Variants in EIF4E3 observed in about 807,000 individuals in gnomAD.
EIF4E3 encodes the protein eukaryotic translation initiation factor 4E family member 3.
In EIF4E3, 26 loss-of-function variants were observed where a neutral mutation model predicts 31.7. The observed-to-expected ratio is 0.82, with a 90% CI of 0.60 to 1.14. The LOEUF (loss-of-function observed/expected upper bound fraction) is 1.14. Among genes scored for constraint, EIF4E3 ranks in the 50% most tolerant of loss-of-function variants. The probability of loss-of-function intolerance (pLI) is 0.00; values close to 1 mark genes in which losing one functional copy is unlikely to be tolerated. For missense variants in EIF4E3, 304 were observed against 270.9 expected (o/e 1.12, Z -0.86); for synonymous variants, 128 against 107.7 (o/e 1.19, Z -1.17).
In EIF4E3 at chr3:71,681,388, G is replaced by C. The variant is rs1004271947; in HGVS notation, c.*3294C>G. On this transcript the variant is annotated 3_prime_UTR_variant, in exon 7 of 7. Coordinates refer to ENST00000425534, the MANE Select transcript of EIF4E3 (RefSeq NM_001134651.2). ...AAAGACACAAGCTGGGATCCTCTAA[G>C]AGTTGGGCAACTAATAGCAAAAGCC... 4 of 152,204 alleles carry C rather than the reference G, an allele frequency of 2.6e-5. No individual in the cohort carries two copies. The highest frequency in any genetic ancestry group is 9.7e-5 in the African/African-American group (4 of 41,450). 9.4% of individuals were successfully genotyped at this position (152,204 alleles called of 1,614,324 possible).
In EIF4E3 at chr3:71,697,589, G is replaced by A. The variant is rs75460424; in HGVS notation, c.345-1069C>T. 1.0e-3 allele frequency among the ~76,000 whole-genome samples: 153 copies of A among 149,718 alleles called. No homozygotes were observed. The East Asian group carries it at 0.018, about 17-fold the overall frequency. On this transcript the variant is annotated intron_variant, in intron 3 of 6. Coordinates refer to ENST00000425534, the MANE Select transcript of EIF4E3 (RefSeq NM_001134651.2). ...CCACAACTTCCCAGCTCTGGTAACC[G>A]TCATTCTACTCTCTTTCTCCATCAG...
chr3:71,676,402 C>T lies in EIF4E3; in HGVS notation c.*8280G>A, dbSNP rs1410348166. 6.6e-6 allele frequency: 1 copy of T among 152,072 alleles called. No individual in the cohort carries two copies. Among genetic ancestry groups the T allele is most frequent in the East Asian group, 1.9e-4 (1 of 5,180 alleles). The allele number at this position is 152,072 out of a possible 1,614,324, so 9.4% of individuals were successfully genotyped here. ...TTGGCCTGCTGTTATAGAGTGTTCT[C>T]CTTGTAACAATTCAGTAAGTTACAC... On this transcript the variant is annotated 3_prime_UTR_variant, in exon 7 of 7. Transcript: ENST00000425534.
intron 1 of EIF4E3, among the ~76,000 whole-genome samples, chr3:71,735,575 C>T (rs1377585079): frequency 6.6e-6 from 1 of 152,128 alleles, no homozygotes; most frequent in South Asian, 2.1e-4. Flanking sequence ...TCCACAGATT[C>T]CTAACAAAGA....
At chr3:71,711,142 A>T (rs938794170) in intron 1 of EIF4E3, among the ~76,000 whole-genome samples, 1 of 152,186 alleles carries the variant, frequency 6.6e-6, no homozygotes, top group Non-Finnish European at 1.5e-5. Context: ...AGGTTTAGTC[A>T]CCAGAAACAC....
At chr3:71,661,976 C>T in the EIF4E3 span, among the ~76,000 whole-genome samples, 5 of 152,108 alleles carry the variant, frequency 3.3e-5, no homozygotes, top group African/African-American at 1.2e-4. Context: ...CTTTGCCTCG[C>T]TAGATAAGAA....
upstream of EIF4E3, among the ~76,000 whole-genome samples, chr3:71,726,102 A>G (rs2049635102): frequency 6.6e-6 from 1 of 152,168 alleles, no homozygotes; most frequent in Admixed American, 6.5e-5. Flanking sequence ...TGGTGAGAGC[A>G]TACTTCCTAA....
chr3:71,699,780 T>A (rs2049189608), intron 2 of EIF4E3, 72 bp from the exon 3 acceptor site: 2 of 1,311,128 alleles, frequency 1.5e-6, no homozygotes, highest in Admixed American at 2.1e-5. Context: ...ATTATCAAAT[T>A]AATGCATTAA....
chr3:71,745,531 G>A (rs539489799), intron 1 of EIF4E3, among the ~76,000 whole-genome samples: 1 of 152,286 alleles, frequency 6.6e-6, no homozygotes, highest in South Asian at 2.1e-4. Flanking sequence ...AGAGTAGAAA[G>A]TATCAATAAT....
chr3:71,716,072 A>G (rs887966160), intron 1 of EIF4E3, among the ~76,000 whole-genome samples: 5 of 152,244 alleles, frequency 3.3e-5, no homozygotes, highest in East Asian at 3.9e-4. Flanking sequence ...CTGCCTGTCA[A>G]TCTTGCCTCC....
chr3:71,749,161 C>T (rs768722844), intron 1 of EIF4E3, among the ~76,000 whole-genome samples: 6 of 152,190 alleles, frequency 3.9e-5, no homozygotes, highest in Non-Finnish European at 8.8e-5. Context: ...TTGAATCTTC[C>T]CACAATGGGC....
chr3:71,742,685 A>G (rs1310017960), intron 1 of EIF4E3, among the ~76,000 whole-genome samples: 7 of 152,140 alleles, frequency 4.6e-5, no homozygotes, highest in Non-Finnish European at 7.4e-5. Context: ...AAAGAAAAAC[A>G]GCTGGAGATC....
In EIF4E3 at chr3:71,677,312, C is replaced by T. The variant is rs2048881648; in HGVS notation, c.*7370G>A. 6.6e-6 allele frequency: 1 copy of T among 152,136 alleles called. No homozygotes were observed. The highest frequency in any genetic ancestry group is 6.5e-5 in the Admixed American group (1 of 15,280). 9.4% of individuals were successfully genotyped at this position (152,136 alleles called of 1,614,324 possible). Reference sequence around the variant, plus strand: ...CTTCATGTAACAAAAGAACCATCGTCTTGTAGGATTCCAGAGATTTTTTTA... The same window carrying T: ...CTTCATGTAACAAAAGAACCATCGTTTTGTAGGATTCCAGAGATTTTTTTA... On this transcript the variant is annotated 3_prime_UTR_variant, in exon 7 of 7. Coordinates refer to ENST00000425534, the MANE Select transcript of EIF4E3 (RefSeq NM_001134651.2).
chr3:71,660,043 G>A, the EIF4E3 span, among the ~76,000 whole-genome samples: 1 of 152,218 alleles, frequency 6.6e-6, no homozygotes, highest in Non-Finnish European at 1.5e-5. Context: ...ATCAGAGTCT[G>A]TATTTTAATC....
chr3:71,735,753 C>A (rs1448452279), intron 1 of EIF4E3, among the ~76,000 whole-genome samples: 1 of 150,610 alleles, frequency 6.6e-6, no homozygotes, highest in Non-Finnish European at 1.5e-5. Context: ...TCAAAGTAAC[C>A]CAGAACATCT....
upstream of EIF4E3, among the ~76,000 whole-genome samples, chr3:71,727,459 G>T (rs1306307749): frequency 6.6e-6 from 1 of 152,180 alleles, no homozygotes. Flanking sequence ...TCATTGTAAA[G>T]AGGTAATATA....
At chr3:71,715,193 G>A (rs1301582147) in intron 1 of EIF4E3, among the ~76,000 whole-genome samples, 1 of 152,208 alleles carries the variant, frequency 6.6e-6, no homozygotes, top group East Asian at 1.9e-4. Context: ...ACAGTGCACG[G>A]GACAGCCCTC....
chr3:71,685,094 G>A, intron 6 of EIF4E3, among the ~76,000 whole-genome samples: 1 of 151,882 alleles, frequency 6.6e-6, no homozygotes, highest in East Asian at 1.9e-4. Flanking sequence ...GGGGAGAGGG[G>A]GTGCCTGACA....
At chr3:71,754,160 G>A, upstream of EIF4E3, 1 of 1,456,346 alleles carries the variant, frequency 6.9e-7, no homozygotes, top group Non-Finnish European at 9.1e-7. This position sits in a 1 kb window ranked among gnomAD's most constrained non-coding sequence, Gnocchi z 5.8. Flanking sequence ...CGGGCAACGT[G>A]CTGTTCGCGC....
At chr3:71,748,446 A>G (rs2049895106) in intron 1 of EIF4E3, among the ~76,000 whole-genome samples, 1 of 152,198 alleles carries the variant, frequency 6.6e-6, no homozygotes, top group African/African-American at 2.4e-5. Context: ...ACCCTCTTCC[A>G]GAGTATATAG....
Sources: allele counts gnomAD v4.1 joint callset (sites outside exome capture counted in the v4.1 genomes callset), GRCh38; gene constraint gnomAD v4.1.1; non-coding constraint Gnocchi (gnomAD v3.1); transcripts MANE v1.5; gene names NCBI Gene and HGNC (gene_info 2026-07-23, HGNC 2026-07-21).